Variants in SULF2 observed in about 807,000 individuals in gnomAD.
The protein encoded by SULF2 is sulfatase 2.
A neutral mutation model predicts 107.7 loss-of-function variants in SULF2; 52 were observed. The ratio of observed to expected loss-of-function variants is 0.48; its 90% CI spans 0.39 to 0.61. The LOEUF is 0.61. Ranked by LOEUF, SULF2 falls within the 20% of genes least tolerant of loss-of-function variation. SULF2 has a pLI of 0.00. For synonymous variants in SULF2, 460 were observed against 464.3 expected (o/e 0.99, Z 0.12); for missense variants, 993 against 1,177.3 (o/e 0.84, Z 2.29).
At chr20:47,681,503 G>A (rs6066431) in intron 7 of SULF2, among the ~76,000 whole-genome samples, 22,333 of 152,006 alleles carry the variant, frequency 0.15, 1,988 homozygotes, top group East Asian at 0.32. Flanking sequence ...CTGTTCACAG[G>A]GATGGTTTGA....
intron 3 of SULF2, among the ~76,000 whole-genome samples, chr20:47,708,460 C>T (rs76537065): frequency 0.018 from 2,747 of 152,202 alleles, 88 homozygotes; most frequent in African/African-American, 0.063. Flanking sequence ...GGGTTCGTAC[C>T]GCTCCTGGAA....
intron 2 of SULF2, among the ~76,000 whole-genome samples, chr20:47,750,738 C>A (rs189871124): frequency 6.6e-6 from 1 of 152,240 alleles, no homozygotes; most frequent in African/African-American, 2.4e-5. Context: ...CAACCACCAC[C>A]TCCCTATTAC....
At chr20:47,664,023 G>T in intron 15 of SULF2, 107 bp downstream of exon 15, 1 of 1,224,190 alleles carries the variant, frequency 8.2e-7, no homozygotes, top group Non-Finnish European at 1.2e-6. Flanking sequence ...ACTTCCCAGG[G>T]AAGGGCCTGG....
intron 18 of SULF2, among the ~76,000 whole-genome samples, chr20:47,661,262 G>A (rs902722682): frequency 6.6e-6 from 1 of 151,976 alleles, no homozygotes; most frequent in Admixed American, 6.6e-5. Context: ...CTCAGTGGTC[G>A]ATTGCATCCT....
chr20:47,711,523 A>G (rs1431483100), intron 3 of SULF2, among the ~76,000 whole-genome samples: 1 of 152,238 alleles, frequency 6.6e-6, no homozygotes, highest in East Asian at 1.9e-4. Context: ...ACGACGGGCC[A>G]TCTGGCTGGA....
chr20:47,731,182 C>CTTTTTTTTTTTTTTTTTTTTTTTTT (rs1342480404), intron 3 of SULF2, among the ~76,000 whole-genome samples: 6 of 99,602 alleles, frequency 6.0e-5, no homozygotes, highest in African/African-American at 1.6e-4. Flanking sequence ...TCACCTGTAT[C>CTTTTTTTTTTTTTTTTTTTTTTTTT]TTCTCTTTTT....
rs925248069 is a variant in SULF2, at chr20:47,682,848, C to A, written c.1064+146G>T. The stretch of plus-strand genomic sequence containing the variant: ...TTCCCCAGCAGAGGGATATAACATG[C>A]ATGACATAATTGCTTTCCGCTGGCC... On this transcript the variant is annotated intron_variant, in intron 7 of 20. Transcript: ENST00000688720. 7.9e-6 allele frequency: 6 copies of A among 758,936 alleles called. No homozygotes were observed. The African/African-American group carries it at 8.7e-5, about 11-fold the overall frequency. The allele number at this position is 758,936 out of a possible 1,614,324, so 47.0% of individuals were successfully genotyped here. A position where few individuals can be genotyped will look rare whatever the true frequency, so the allele number is the denominator to read the frequency against.
chr20:47,732,594 C>T (rs1320080732), intron 3 of SULF2, among the ~76,000 whole-genome samples: 1 of 151,984 alleles, frequency 6.6e-6, no homozygotes, highest in African/African-American at 2.4e-5. Flanking sequence ...GTAATCCTAG[C>T]CCTTTGGGAG....
intron 1 of SULF2, among the ~76,000 whole-genome samples, chr20:47,775,530 T>C (rs1344444570): frequency 6.6e-6 from 1 of 152,176 alleles, no homozygotes; most frequent in Non-Finnish European, 1.5e-5. Flanking sequence ...AACCCAAGAA[T>C]CCTCAGTGAC....
chr20:47,726,988 C>T (rs897008855), intron 3 of SULF2, among the ~76,000 whole-genome samples: 2 of 150,916 alleles, frequency 1.3e-5, no homozygotes, highest in Non-Finnish European at 1.5e-5. Context: ...CACCCAGGAC[C>T]ACAGCTGGGG....
At chr20:47,715,527 C>T (rs1011693018) in intron 3 of SULF2, among the ~76,000 whole-genome samples, 2 of 151,626 alleles carry the variant, frequency 1.3e-5, no homozygotes, top group Admixed American at 1.3e-4. Flanking sequence ...ACTGAACCAA[C>T]GAACACCTCG....
At position 47,713,903 on chromosome 20, in the gene SULF2, G is replaced by A. The variant is rs73313979; in HGVS notation, c.416-11233C>T. On this transcript the variant is annotated intron_variant, in intron 3 of 20. Coordinates refer to ENST00000688720, the MANE Select transcript of SULF2 (RefSeq NM_001387048.1). ...GTTGTTAGAAACCAGATGTGACACC[G>A]TTTTGGAAAATGGCAAGGCCCCTCC... is the stretch of plus-strand genomic sequence containing the variant. Among the ~76,000 whole-genome samples the A allele has an allele frequency of 7.3e-3, 1,112 of 152,244 alleles. 19 individuals carry two copies. Among genetic ancestry groups the A allele is most frequent in the African/African-American group, 0.025 (1,054 of 41,540 alleles).
intron 3 of SULF2, among the ~76,000 whole-genome samples, chr20:47,733,125 T>C (rs1244431366): frequency 6.6e-6 from 1 of 152,206 alleles, no homozygotes; most frequent in Non-Finnish European, 1.5e-5. Context: ...AAAATGACGC[T>C]GGAAGATAGC....
In SULF2 at chr20:47,673,457, C is replaced by T. The variant is rs911141501; in HGVS notation, c.1381-1064G>A. Among the ~76,000 whole-genome samples, 7 of 152,168 alleles carry T rather than the reference C, an allele frequency of 4.6e-5. 1 individual carries two copies. In the South Asian group the frequency reaches 1.2e-3, roughly 27 times the overall value. The stretch of plus-strand genomic sequence containing the variant: ...GTCACACAACTGGGAGGTGCAAGAG[C>T]TGTAAGGAAAAGTGTGGAGTCTGGT... On this transcript the variant is annotated intron_variant, in intron 10 of 20. Transcript: ENST00000688720.
At chr20:47,660,325 G>A (rs985944318) in intron 18 of SULF2, among the ~76,000 whole-genome samples, 1 of 152,208 alleles carries the variant, frequency 6.6e-6, no homozygotes, top group Non-Finnish European at 1.5e-5. Flanking sequence ...AGATTAGGAA[G>A]CTACTAGTGA....
chr20:47,759,694 A>AAAC (rs199947058), intron 1 of SULF2, among the ~76,000 whole-genome samples: 3,417 of 152,188 alleles, frequency 0.022, 127 homozygotes, highest in African/African-American at 0.077. Flanking sequence ...TCCGTCTCAA[A>AAAC]AACAACAACA....
intron 7 of SULF2, among the ~76,000 whole-genome samples, chr20:47,682,115 G>A (rs1029332010): frequency 7.9e-5 from 12 of 152,104 alleles, no homozygotes; most frequent in Middle Eastern, 3.4e-3. Flanking sequence ...GATCTGATAA[G>A]GTCAACAGTC....
chr20:47,782,266 C>T (rs1600704149), intron 1 of SULF2, among the ~76,000 whole-genome samples: 1 of 152,340 alleles, frequency 6.6e-6, no homozygotes. Context: ...CGCTTCTTCC[C>T]CTTTAGGCTC....
chr20:47,756,909 G>A (rs530752240), intron 2 of SULF2, among the ~76,000 whole-genome samples: 10 of 152,270 alleles, frequency 6.6e-5, no homozygotes, highest in Non-Finnish European at 8.8e-5. Context: ...GCCTCCCAAC[G>A]TGCTGGGATT....
Sources: gnomAD v4.1 joint callset for allele counts (sites outside exome capture counted in the v4.1 genomes callset) on GRCh38, gnomAD v4.1.1 for gene constraint, MANE v1.5 for transcripts, NCBI Gene and HGNC (gene_info 2026-07-23, HGNC 2026-07-21) for gene names.